ENOX2: variants seen among roughly 807,000 people sequenced by gnomAD.
ENOX2 encodes the protein APK1 antigen.
A neutral mutation model predicts 45.0 loss-of-function variants in ENOX2; 36 were observed. The ratio of observed to expected loss-of-function variants is 0.80; its 90% CI spans 0.61 to 1.06. The LOEUF is 1.06. Among genes scored for constraint, ENOX2 ranks in the 50% least tolerant of loss-of-function variants. The pLI, the probability that ENOX2 is intolerant of heterozygous loss-of-function variation, is 0.00. For missense variants in ENOX2, 423 were observed against 462.5 expected (o/e 0.91, Z 0.78); for synonymous variants, 174 against 152.3 (o/e 1.14, Z -1.05).
chrX:130,780,490 C>T (rs1356779024), intron 3 of ENOX2, among the ~76,000 whole-genome samples: 1 of 110,984 alleles, frequency 9.0e-6, no homozygotes, highest in African/African-American at 3.3e-5. Context: ...TACTTACAGT[C>T]GAGGGATGAA....
rs2077047028 is a variant in ENOX2, at chrX:130,791,794, ACT to A, written c.-182-8106_-182-8105del. On this transcript the variant is annotated intron_variant, in intron 2 of 14. Coordinates refer to ENST00000394363, the MANE Select transcript of ENOX2 (RefSeq NM_006375.4). The stretch of plus-strand genomic sequence containing the variant: ...GGGGAGTGATGGTAGACAATCACAC[ACT>A]CCACTCCTAATGTATCTGCATAATT... Among the ~76,000 whole-genome samples the A allele has an allele frequency of 2.7e-5, 3 of 110,922 alleles. No homozygotes were observed. In the South Asian group the frequency reaches 1.2e-3, roughly 43 times the overall value.
intron 2 of ENOX2, among the ~76,000 whole-genome samples, chrX:130,797,853 T>G (rs757787794): frequency 1.8e-5 from 2 of 111,347 alleles, no homozygotes; most frequent in South Asian, 7.6e-4. Flanking sequence ...TCCCATGTTC[T>G]GTGTGTGTGT....
chrX:130,891,680 C>T (rs1165194417), intron 2 of ENOX2, among the ~76,000 whole-genome samples: 1 of 108,411 alleles, frequency 9.2e-6, no homozygotes, highest in African/African-American at 3.4e-5. Context: ...AAGTGACTTG[C>T]TTACAGTACT....
chrX:130,854,791 TCAC>T (rs2078278087), intron 2 of ENOX2, among the ~76,000 whole-genome samples: 1 of 111,811 alleles, frequency 8.9e-6, no homozygotes, highest in Non-Finnish European at 1.9e-5. Flanking sequence ...TCAATGGAAT[TCAC>T]CACATTAGCA....
At chrX:130,893,173 T>C (rs767210372) in intron 2 of ENOX2, among the ~76,000 whole-genome samples, 1 of 112,528 alleles carries the variant, frequency 8.9e-6, no homozygotes, top group South Asian at 3.7e-4. Context: ...TCTTATATGA[T>C]GCTTGCAATT....
At chrX:130,895,941 A>G (rs1412611823) in intron 2 of ENOX2, among the ~76,000 whole-genome samples, 1 of 112,724 alleles carries the variant, frequency 8.9e-6, no homozygotes, top group African/African-American at 3.2e-5. Context: ...CATTTCTGAA[A>G]AGTACACATT....
intron 9 of ENOX2, among the ~76,000 whole-genome samples, chrX:130,662,188 A>C (rs1157494607): frequency 8.9e-6 from 1 of 111,986 alleles, no homozygotes; most frequent in Non-Finnish European, 1.9e-5. Flanking sequence ...ATTAGCAGGG[A>C]CCTCACACAC....
intron 3 of ENOX2, among the ~76,000 whole-genome samples, chrX:130,766,208 T>C (rs1198867993): frequency 8.9e-6 from 1 of 111,773 alleles, no homozygotes; most frequent in Non-Finnish European, 1.9e-5. Flanking sequence ...TTCATAATGA[T>C]GTTTTATCTC....
intron 2 of ENOX2, among the ~76,000 whole-genome samples, chrX:130,877,941 C>T (rs964085929): frequency 8.9e-6 from 1 of 111,975 alleles, no homozygotes; most frequent in African/African-American, 3.2e-5. Context: ...CTTATCCTGG[C>T]TCACTGACAT....
chrX:130,649,963 T>A (rs1443702861), intron 10 of ENOX2, among the ~76,000 whole-genome samples: 1 of 112,629 alleles, frequency 8.9e-6, no homozygotes, highest in Non-Finnish European at 1.9e-5. Context: ...AGCTGGAGTT[T>A]GGCTGAATAG....
intron 2 of ENOX2, among the ~76,000 whole-genome samples, chrX:130,860,469 C>T (rs964989449): frequency 9.0e-6 from 1 of 111,601 alleles, no homozygotes; most frequent in Non-Finnish European, 1.9e-5. Context: ...TAGTAAGCAT[C>T]TCAAACCATC....
intron 3 of ENOX2, among the ~76,000 whole-genome samples, chrX:130,757,613 G>A (rs1268253160): frequency 8.9e-6 from 1 of 111,740 alleles, no homozygotes; most frequent in East Asian, 2.8e-4. Context: ...CTGTACTTAA[G>A]TGTCCTGTCC....
intron 3 of ENOX2, among the ~76,000 whole-genome samples, chrX:130,715,296 G>A (rs2038297722): frequency 9.0e-6 from 1 of 111,511 alleles, no homozygotes; most frequent in Admixed American, 9.5e-5. Context: ...GCTAATAATG[G>A]GACCTTTGGC....
intron 2 of ENOX2, among the ~76,000 whole-genome samples, chrX:130,878,612 G>A (rs954659417): frequency 3.6e-5 from 4 of 111,854 alleles, no homozygotes; most frequent in African/African-American, 1.3e-4. Flanking sequence ...ACTCTCCCTA[G>A]ATTCCTTAAG....
intron 2 of ENOX2, among the ~76,000 whole-genome samples, chrX:130,900,759 AC>A (rs2079132762): frequency 9.0e-6 from 1 of 111,621 alleles, no homozygotes; most frequent in African/African-American, 3.3e-5. Context: ...AGTGAGTCAC[AC>A]CTTCCTTTAT....
At chrX:130,735,061 C>A (rs886898767) in intron 3 of ENOX2, among the ~76,000 whole-genome samples, 24 of 112,444 alleles carry the variant, frequency 2.1e-4, no homozygotes, top group Admixed American at 1.8e-3. Context: ...AGGAGCAGTG[C>A]AGGGACATCA....
chrX:130,806,321 A>G (rs1362707118), intron 2 of ENOX2, among the ~76,000 whole-genome samples: 1 of 112,368 alleles, frequency 8.9e-6, no homozygotes, highest in Admixed American at 9.4e-5. Context: ...TTACTGAAAA[A>G]GCATCTTCTA....
At chrX:130,873,924 T>C (rs1366883430) in intron 2 of ENOX2, among the ~76,000 whole-genome samples, 1 of 110,322 alleles carries the variant, frequency 9.1e-6, no homozygotes, top group African/African-American at 3.3e-5. Context: ...GGAATAGCAT[T>C]AGGAGAAATA....
At position 130,765,998 on chromosome X, in the gene ENOX2, A is replaced by G. The variant is rs745391428; in HGVS notation, c.-39+17549T>C. Among the ~76,000 whole-genome samples, 6 of 111,464 alleles carry G rather than the reference A, an allele frequency of 5.4e-5. No homozygotes were observed. The East Asian group carries it at 1.4e-3, about 26-fold the overall frequency. On this transcript the variant is annotated intron_variant, in intron 3 of 14. Coordinates refer to ENST00000394363, the MANE Select transcript of ENOX2 (RefSeq NM_006375.4). ...ATCTATATTCTCAATTCTCTAAAAGATAGTATATATCTAGTATTATTCTAA... is the reference window on the plus strand; with the variant it reads ...ATCTATATTCTCAATTCTCTAAAAGGTAGTATATATCTAGTATTATTCTAA...
Sources: allele counts gnomAD v4.1 joint callset (sites outside exome capture counted in the v4.1 genomes callset), GRCh38; gene constraint gnomAD v4.1.1; transcripts MANE v1.5; gene names NCBI Gene and HGNC (gene_info 2026-07-23, HGNC 2026-07-21).